Variants in UTRN observed in about 807,000 individuals in gnomAD.
UTRN encodes utrophin.
Under a neutral mutation model 463.9 loss-of-function variants are expected in UTRN, and 283 were observed. That is an observed-to-expected ratio of 0.61 (90% CI 0.55 to 0.67). The LOEUF (loss-of-function observed/expected upper bound fraction) is 0.67. Ranked by LOEUF, UTRN falls within the 30% of genes least tolerant of loss-of-function variation. UTRN has a pLI of 0.00. For synonymous variants in UTRN, 1,442 were observed against 1,431.5 expected (o/e 1.01, Z -0.17); for missense variants, 3,922 against 4,084.3 (o/e 0.96, Z 1.08).
intron 51 of UTRN, among the ~76,000 whole-genome samples, chr6:144,638,345 AT>A (rs1418354715): frequency 6.6e-6 from 1 of 152,200 alleles, no homozygotes; most frequent in African/African-American, 2.4e-5. Flanking sequence ...ATGTATTTAA[AT>A]AGAAAAAATA....
Position 144,600,745 on chromosome 6 carries a change from A to G in UTRN, c.7479+23457A>G, listed in dbSNP as rs115626958. On this transcript the variant is annotated intron_variant, in intron 51 of 74. Transcript: ENST00000367545. ...GCTAAGATAATAGATGAAGGTGGCT[A>G]CACTAAACAACAAATTTTCAATGTA... Among the ~76,000 whole-genome samples, 317 of 152,366 alleles carry G rather than the reference A, an allele frequency of 2.1e-3. 2 individuals carry two copies. Among genetic ancestry groups the G allele is most frequent in the African/African-American group, 6.0e-3 (251 of 41,600 alleles).
intron 14 of UTRN, 102 bp downstream of exon 14, chr6:144,444,484 A>G: frequency 1.5e-6 from 1 of 675,832 alleles, no homozygotes; most frequent in Non-Finnish European, 2.3e-6. Context: ...TTTCTTTGAA[A>G]GGAAAATATA....
chr6:144,848,307 T>C (rs756493638), intron 74 of UTRN, among the ~76,000 whole-genome samples: 11 of 152,328 alleles, frequency 7.2e-5, no homozygotes, highest in Non-Finnish European at 1.5e-4. Context: ...GGGTTGTAAG[T>C]TGCCCTCTAG....
chr6:144,516,262 T>C lies in UTRN; in HGVS notation c.5278T>C (p.Leu1760=), dbSNP rs761462997. 4.1e-5 allele frequency: 66 copies of C among 1,613,692 alleles called. 1 individual carries two copies. The highest frequency in any genetic ancestry group is 3.3e-4 in the Middle Eastern group (2 of 6,080). Residue 1760 remains leucine, a synonymous_variant, in exon 38 of 75, where the codon TTG becomes CTG. Transcript: ENST00000367545. ...TGCTCAGGAACCATTATACCAATGT[T>C]TGGTCACCACTGAAACATTTGAAAC... ...LIAQEPLYQC[L]VTTETFETGV...
rs559550418 is a variant in UTRN, at chr6:144,697,776, A to C, written c.7653-2311A>C. Among the ~76,000 whole-genome samples, 6 of 152,324 alleles carry C rather than the reference A, an allele frequency of 3.9e-5. No individual in the cohort carries two copies. The South Asian group carries it at 1.2e-3, about 32-fold the overall frequency. On this transcript the variant is annotated intron_variant, in intron 52 of 74. Coordinates refer to ENST00000367545, the MANE Select transcript of UTRN (RefSeq NM_007124.3). ...ATAGATAGTTTTTCAGATTCTAAAT[A>C]CTGTAAGTTTCAGTAATCAGTTTCA...
intron 53 of UTRN, among the ~76,000 whole-genome samples, chr6:144,727,073 A>G (rs1271209303): frequency 6.6e-6 from 1 of 152,174 alleles, no homozygotes; most frequent in Non-Finnish European, 1.5e-5. Flanking sequence ...ATTACTGTAC[A>G]CCTAAGTTGC....
intron 2 of UTRN, among the ~76,000 whole-genome samples, chr6:144,327,749 C>T (rs1776061923): frequency 6.6e-6 from 1 of 152,010 alleles, no homozygotes; most frequent in African/African-American, 2.4e-5. Context: ...TCGAGACCAG[C>T]CTGGCCAACA....
intron 51 of UTRN, among the ~76,000 whole-genome samples, chr6:144,618,300 T>C (rs1806352700): frequency 6.6e-6 from 1 of 152,182 alleles, no homozygotes; most frequent in Non-Finnish European, 1.5e-5. Context: ...TCAGCTGAAA[T>C]TTTTTCAAGT....
chr6:144,553,778 C>T (rs1052810827), intron 48 of UTRN, among the ~76,000 whole-genome samples: 36 of 151,994 alleles, frequency 2.4e-4, no homozygotes, highest in African/African-American at 8.2e-4. Flanking sequence ...GGTGTGGTGG[C>T]ACACACCTAT....
chr6:144,448,762 A>G lies in UTRN; in HGVS notation c.2065A>G (p.Lys689Glu), dbSNP rs771003741. ...KRQIHVDIEA[K>E]KKFDAISAEL... Reference sequence around the variant, plus strand: ...ACAGATCCATGTGGATATTGAAGCTAAGAAAAAGTGAGAAGAGATAGAGAA... The same window carrying G: ...ACAGATCCATGTGGATATTGAAGCTGAGAAAAAGTGAGAAGAGATAGAGAA... The change falls in exon 17 of 75, where the codon AAG becomes GAG. Residue 689 changes from lysine to glutamate, a missense_variant. Physicochemically the swap from Lys to Glu is moderately conservative, Grantham distance 56. Around this residue, in one of 3 missense-constraint regions of UTRN, gnomAD observed 2,349 missense variants for 2,303.8 expected, o/e 1.02. Transcript: ENST00000367545. 1 of 1,613,224 alleles carries G rather than the reference A, an allele frequency of 6.2e-7. No homozygotes were observed. The highest frequency in any genetic ancestry group is 8.5e-7 in the Non-Finnish European group (1 of 1,179,710).
chr6:144,595,655 A>C (rs1156303654), intron 51 of UTRN, among the ~76,000 whole-genome samples: 1 of 152,168 alleles, frequency 6.6e-6, no homozygotes, highest in Non-Finnish European at 1.5e-5. Context: ...TAGTCAAATG[A>C]AGTATTTTGA....
chr6:144,424,838 A>G (rs1002051953), intron 6 of UTRN, among the ~76,000 whole-genome samples: 3 of 152,194 alleles, frequency 2.0e-5, no homozygotes, highest in Admixed American at 6.5e-5. Context: ...ATTCTCCTAA[A>G]AACAAGAACT....
chr6:144,730,635 T>C, intron 54 of UTRN, 149 bp downstream of exon 54: 2 of 1,006,138 alleles, frequency 2.0e-6, no homozygotes, highest in Non-Finnish European at 2.6e-6. Flanking sequence ...ATGTCATTAA[T>C]TCACAGATAT....
chr6:144,736,062 G>A (rs1789360111), intron 54 of UTRN, among the ~76,000 whole-genome samples: 1 of 152,018 alleles, frequency 6.6e-6, no homozygotes, highest in Admixed American at 6.5e-5. Flanking sequence ...GTTGTTGTTT[G>A]TTTATGATTA....
intron 69 of UTRN, among the ~76,000 whole-genome samples, chr6:144,835,570 A>G (rs1363785307): frequency 6.6e-6 from 1 of 152,230 alleles, no homozygotes; most frequent in African/African-American, 2.4e-5. Context: ...TAGATGAAAG[A>G]GAAGCCTGAA....
chr6:144,611,149 A>T (rs545613317), intron 51 of UTRN, among the ~76,000 whole-genome samples: 2 of 152,356 alleles, frequency 1.3e-5, no homozygotes, highest in East Asian at 3.9e-4. Context: ...CATTAGAAGC[A>T]TTTGACCAAA....
intron 2 of UTRN, among the ~76,000 whole-genome samples, chr6:144,385,727 G>C (rs1429146911): frequency 7.7e-6 from 1 of 129,644 alleles, no homozygotes; most frequent in East Asian, 2.2e-4. Flanking sequence ...TTTTTCTTTT[G>C]AGACGGAGTC....
chr6:144,829,347 A>G (rs1780463151), intron 69 of UTRN, among the ~76,000 whole-genome samples: 1 of 152,042 alleles, frequency 6.6e-6, no homozygotes, highest in African/African-American at 2.4e-5. Flanking sequence ...ATTTTATTTT[A>G]TTAGCAACTA....
rs146289347 is a variant in UTRN at position 144,506,082 on chromosome 6, ATT to A, written c.4765-4849_4765-4848del. Among the ~76,000 whole-genome samples the A allele has an allele frequency of 1.9e-3, 255 of 132,928 alleles. 1 individual carries two copies. The highest frequency in any genetic ancestry group is 6.0e-3 in the African/African-American group (228 of 37,876). The allele number at this position is 132,928 out of a possible 152,430, so 87.2% of individuals were successfully genotyped here. A position where few individuals can be genotyped will look rare whatever the true frequency, so the allele number is the denominator to read the frequency against. Reference sequence around the variant, plus strand: ...CAGAGACTAGGATTGCAACCCCCGCATTTTTTTTTTTTTTGCTTTCCATTTGT... The same window carrying A: ...CAGAGACTAGGATTGCAACCCCCGCATTTTTTTTTTTTGCTTTCCATTTGT... On this transcript the variant is annotated intron_variant, in intron 34 of 74. Transcript: ENST00000367545.
Sources: allele counts gnomAD v4.1 joint callset (sites outside exome capture counted in the v4.1 genomes callset), GRCh38; gene constraint gnomAD v4.1.1; regional missense constraint gnomAD v4.1.1; transcripts MANE v1.5; gene names NCBI Gene and HGNC (gene_info 2026-07-23, HGNC 2026-07-21).